Variants in TMTC2 observed in about 807,000 individuals in gnomAD.
TMTC2 encodes the protein protein O-mannosyl-transferase TMTC2.
In TMTC2, 43 loss-of-function variants were observed where a neutral mutation model predicts 82.4. The observed-to-expected ratio is 0.52, with a 90% CI of 0.41 to 0.67. The LOEUF (loss-of-function observed/expected upper bound fraction) is 0.67. Ranked by LOEUF, TMTC2 falls within the 30% of genes least tolerant of loss-of-function variation. The pLI is 0.00. For missense variants in TMTC2, 919 were observed against 1,012.4 expected, an observed-to-expected ratio of 0.91 and a Z score of 1.25; for synonymous variants, 408 against 381.9, an observed-to-expected ratio of 1.07 and a Z score of -0.80.
intron 1 of TMTC2, among the ~76,000 whole-genome samples, chr12:82,752,358 C>T (rs533965092): frequency 2.5e-4 from 38 of 152,042 alleles, no homozygotes; most frequent in South Asian, 8.3e-4. Context: ...TGGTGGCTGG[C>T]GCTTGTAATC....
rs1335931236 is a variant in TMTC2, at chr12:82,876,051, G to GTGA, written c.654+18473_654+18474insATG. On this transcript the variant is annotated intron_variant, in intron 2 of 11. Transcript: ENST00000321196. ...GGCGGTGGTGGTGGTGGTGGTGGTG[G>GTGA]TGGTGGTGGTGGTGGTGATGATGAT... Among the ~76,000 whole-genome samples, 155 of 135,788 alleles carry GTGA rather than the reference G, an allele frequency of 1.1e-3. 1 individual carries two copies. In the Middle Eastern group the frequency reaches 0.012, roughly 10 times the overall value. 89.1% of individuals were successfully genotyped at this position (135,788 alleles called of 152,430 possible).
intron 4 of TMTC2, among the ~76,000 whole-genome samples, chr12:82,958,231 G>A (rs1877716499): frequency 6.6e-6 from 1 of 151,600 alleles, no homozygotes. Context: ...AGGTGTGGTA[G>A]CGCACACCTG....
At chr12:82,943,029 T>A (rs1876808750) in intron 4 of TMTC2, among the ~76,000 whole-genome samples, 1 of 152,208 alleles carries the variant, frequency 6.6e-6, no homozygotes, top group African/African-American at 2.4e-5. Flanking sequence ...TTCAGGTGCC[T>A]GGTGCTTGGT....
intron 3 of TMTC2, among the ~76,000 whole-genome samples, chr12:82,913,667 C>G (rs1874831276): frequency 6.6e-6 from 1 of 152,116 alleles, no homozygotes; most frequent in South Asian, 2.1e-4. Flanking sequence ...CCTCTGGGTA[C>G]TAGCTTCTTT....
chr12:82,967,279 A>G (rs1228369494), intron 7 of TMTC2, among the ~76,000 whole-genome samples: 1 of 152,100 alleles, frequency 6.6e-6, no homozygotes, highest in Non-Finnish European at 1.5e-5. Flanking sequence ...GACTCTAGAG[A>G]CTGTAGAAAT....
intron 1 of TMTC2, among the ~76,000 whole-genome samples, chr12:82,778,522 T>A (rs1041656328): frequency 6.6e-6 from 1 of 151,546 alleles, no homozygotes; most frequent in Non-Finnish European, 1.5e-5. Flanking sequence ...AGGACCATCC[T>A]GGCTAACACA....
At chr12:83,110,352 CCAT>C (rs1884558676) in intron 11 of TMTC2, among the ~76,000 whole-genome samples, 1 of 152,114 alleles carries the variant, frequency 6.6e-6, no homozygotes, top group African/African-American at 2.4e-5. Context: ...CAGATTTTTC[CCAT>C]CAACATTTAA....
intron 1 of TMTC2, among the ~76,000 whole-genome samples, chr12:82,688,507 C>T (rs1592849267): frequency 6.6e-6 from 1 of 152,102 alleles, no homozygotes; most frequent in Non-Finnish European, 1.5e-5. Context: ...ATCTTTTAAA[C>T]GTTATTAGTG....
rs28479543 is a variant in TMTC2 at position 82,783,611 on chromosome 12, T to C, written c.84-73399T>C. ...TTACATTTATGATTTCATCTGGGTT[T>C]AAAATCTGGCCGGAAGCATGGTTAT... On this transcript the variant is annotated intron_variant, in intron 1 of 11. Transcript: ENST00000321196. 6.3e-3 allele frequency among the ~76,000 whole-genome samples: 959 copies of C among 152,234 alleles called. 15 individuals are homozygous for C. Among genetic ancestry groups the C allele is most frequent in the African/African-American group, 0.022 (899 of 41,540 alleles).
intron 1 of TMTC2, among the ~76,000 whole-genome samples, chr12:82,835,182 C>T (rs780199366): frequency 2.6e-5 from 4 of 152,076 alleles, no homozygotes; most frequent in African/African-American, 7.2e-5. Flanking sequence ...CATTTTAACT[C>T]GTAGCTATTA....
intron 2 of TMTC2, among the ~76,000 whole-genome samples, chr12:82,879,474 T>C (rs114866952): frequency 0.017 from 2,542 of 152,320 alleles, 73 homozygotes; most frequent in African/African-American, 0.057. Flanking sequence ...CTGCTCCTTA[T>C]CTGACAGGAG....
intron 9 of TMTC2, among the ~76,000 whole-genome samples, chr12:83,043,215 T>C (rs1881960481): frequency 6.6e-6 from 1 of 152,180 alleles, no homozygotes; most frequent in Non-Finnish European, 1.5e-5. Context: ...TATTTTTAAT[T>C]ATCTCAGAGA....
intron 3 of TMTC2, among the ~76,000 whole-genome samples, chr12:82,924,884 C>T (rs1370672884): frequency 1.3e-5 from 2 of 151,836 alleles, no homozygotes; most frequent in Admixed American, 1.3e-4. Flanking sequence ...CCAAATATCG[C>T]ACATAAAATA....
At chr12:82,924,612 G>T (rs915650833) in intron 3 of TMTC2, among the ~76,000 whole-genome samples, 1 of 152,148 alleles carries the variant, frequency 6.6e-6, no homozygotes, top group African/African-American at 2.4e-5. Context: ...GTTTCAGATT[G>T]TGACTTTGCC....
chr12:83,088,192 A>G (rs1453001965), intron 11 of TMTC2, among the ~76,000 whole-genome samples: 2 of 152,192 alleles, frequency 1.3e-5, no homozygotes, highest in Admixed American at 1.3e-4. Context: ...TTTCTTCTGT[A>G]GCTTTCTTAT....
chr12:82,751,486 AT>A (rs1371281731), intron 1 of TMTC2, among the ~76,000 whole-genome samples: 1 of 152,166 alleles, frequency 6.6e-6, no homozygotes, highest in Non-Finnish European at 1.5e-5. Context: ...ATGTATACAT[AT>A]GTAACAAACC....
intron 4 of TMTC2, among the ~76,000 whole-genome samples, chr12:82,938,339 G>A (rs762108160): frequency 5.9e-5 from 9 of 152,224 alleles, no homozygotes; most frequent in South Asian, 2.1e-4. Context: ...ACTACTTGAC[G>A]TAGAGTTTAA....
At chr12:83,038,555 C>A (rs1235981302) in intron 9 of TMTC2, among the ~76,000 whole-genome samples, 1 of 151,794 alleles carries the variant, frequency 6.6e-6, no homozygotes, top group Non-Finnish European at 1.5e-5. Flanking sequence ...ATCTAAATAT[C>A]TGAAAAAGGG....
At chr12:83,077,880 CTTTTTTTT>C (rs751044763) in intron 11 of TMTC2, among the ~76,000 whole-genome samples, 22 of 92,956 alleles carry the variant, frequency 2.4e-4, no homozygotes, top group African/African-American at 9.8e-4. Flanking sequence ...GACAATCTGT[CTTTTTTTT>C]TTTTTTTTTT....
Sources: gnomAD v4.1 joint callset for allele counts (sites outside exome capture counted in the v4.1 genomes callset) on GRCh38, gnomAD v4.1.1 for gene constraint, MANE v1.5 for transcripts, NCBI Gene and HGNC (gene_info 2026-07-23, HGNC 2026-07-21) for gene names.